Variants in KIF14 observed in about 807,000 individuals in gnomAD.
KIF14 encodes kinesin-like protein KIF14.
In KIF14, 98 loss-of-function variants were observed where a neutral mutation model predicts 176.2. The observed-to-expected ratio is 0.56, with a 90% CI of 0.47 to 0.66. The LOEUF is 0.66. Ranked by LOEUF, KIF14 falls within the 30% of genes least tolerant of loss-of-function variation. The pLI, the probability that KIF14 is intolerant of heterozygous loss-of-function variation, is 0.00. For missense variants in KIF14, 1,751 were observed against 1,920.4 expected (o/e 0.91, Z 1.65); for synonymous variants, 566 against 632.2 (o/e 0.90, Z 1.57).
intron 6 of KIF14, 46 bp downstream of exon 6, chr1:200,606,700 A>G (rs773771646): frequency 6.8e-7 from 1 of 1,481,122 alleles, no homozygotes; most frequent in African/African-American, 1.4e-5. Context: ...CATTCACTCT[A>G]TTCATTTGTT....
chr1:200,603,939 C>T lies in KIF14; in HGVS notation c.1763G>A (p.Gly588Glu). 4 of 1,611,158 alleles carry T rather than the reference C, an allele frequency of 2.5e-6. No individual in the cohort carries two copies. The highest frequency in any genetic ancestry group is 2.2e-5 in the South Asian group (2 of 91,006). Residue 588 changes from glycine (G) to glutamate (E), a missense_variant, in exon 9 of 30, where the codon GGG (glycine) becomes GAG (glutamate). Physicochemically the swap from Gly to Glu is moderately conservative, Grantham distance 98. Transcript: ENST00000367350. ...TGTTATTCTGTGATCGTGTTCTTCC[C>T]CTTCCACAAATTCTGTCTACAGCAA... Reference protein sequence around the residue: ...MTQTKTEFVEGEEHDHRITSR... With the variant: ...MTQTKTEFVEEEEHDHRITSR...
chr1:200,618,072 T>C lies in KIF14; in HGVS notation c.652A>G (p.Arg218Gly), dbSNP rs1383151437. ...ENVALKYSSNRPPIASLSQTE... is the reference protein window; with the variant it reads ...ENVALKYSSNGPPIASLSQTE... Reference sequence around the variant, plus strand: ...TGACTCAGGGAAGCAATGGGTGGTCTATTACTTGAGTACTTAAGTGCAACA... The same window carrying C: ...TGACTCAGGGAAGCAATGGGTGGTCCATTACTTGAGTACTTAAGTGCAACA... The change falls in exon 2 of 30, where the codon AGA (arginine) becomes GGA (glycine). Residue 218 changes from arginine (R) to glycine (G), a missense_variant. Physicochemically the swap from Arg to Gly is moderately radical, Grantham distance 125. Coordinates refer to ENST00000367350, the MANE Select transcript of KIF14 (RefSeq NM_014875.3). 1.2e-6 allele frequency: 2 copies of C among 1,614,166 alleles called. No homozygotes were observed. Among genetic ancestry groups the C allele is most frequent in the Non-Finnish European group, 8.5e-7 (1 of 1,179,990 alleles).
In KIF14 at chr1:200,554,509, C is replaced by T; in HGVS notation, c.4526G>A (p.Cys1509Tyr). The T allele has an allele frequency of 6.5e-7, 1 of 1,544,676 alleles. No individual in the cohort carries two copies. The highest frequency in any genetic ancestry group is 8.9e-7 in the Non-Finnish European group (1 of 1,120,692). Residue 1509 changes from cysteine to tyrosine, a missense_variant, in exon 29 of 30, where the codon TGC (cysteine) becomes TAC (tyrosine). Transcript: ENST00000367350. ...AATAATTTCAATAGCTTTCTCTAAG[C>T]AATGTTTTAACTTTAAGAATTCTGG... ...RAPEFLKLKH[C>Y]LEKAIEIIIS...
intron 14 of KIF14, among the ~76,000 whole-genome samples, chr1:200,594,141 G>A (rs1262547832): frequency 1.3e-5 from 2 of 151,098 alleles, no homozygotes; most frequent in African/African-American, 4.9e-5. Flanking sequence ...TGCCATGTTC[G>A]CCAGGCTGGT....
intron 9 of KIF14, among the ~76,000 whole-genome samples, 158 bp from the exon 10 acceptor site, chr1:200,603,499 TG>T (rs1659726334): frequency 6.6e-6 from 1 of 152,012 alleles, no homozygotes; most frequent in Non-Finnish European, 1.5e-5. Context: ...CAGGCTGGAG[TG>T]CAGTGGCATA....
rs1558039253 is a variant in KIF14, at chr1:200,553,597, AGAG to A, written c.4735_4737del (p.Leu1579del). 1 of 1,614,162 alleles carries A rather than the reference AGAG, an allele frequency of 6.2e-7. No homozygotes were observed. The highest frequency in any genetic ancestry group is 8.5e-7 in the Non-Finnish European group (1 of 1,180,028). ...GGGCTTTCTTCAGATTCAAAACAAA[AGAG>A]GAGAGACTTAGCTAGAGATTCTAGT... On this transcript the variant is annotated inframe_deletion, in exon 30 of 30. Coordinates refer to ENST00000367350, the MANE Select transcript of KIF14 (RefSeq NM_014875.3).
chr1:200,555,348 C>A (rs780836672), intron 28 of KIF14, 32 bp downstream of exon 28: 19 of 1,368,006 alleles, frequency 1.4e-5, no homozygotes, highest in Non-Finnish European at 1.6e-5. Context: ...AAAAAATAAG[C>A]AAAATTAAAA....
chr1:200,567,209 C>T (rs1012244544), intron 23 of KIF14, among the ~76,000 whole-genome samples: 1 of 150,212 alleles, frequency 6.7e-6, no homozygotes, highest in African/African-American at 2.5e-5. Flanking sequence ...GTACTTCTAC[C>T]TTACAATAGT....
At chr1:200,571,701 G>A (rs1261098948) in intron 22 of KIF14, among the ~76,000 whole-genome samples, 1 of 151,954 alleles carries the variant, frequency 6.6e-6, no homozygotes, top group African/African-American at 2.4e-5. Context: ...ACTCCTACAA[G>A]AAAAACACAG....
chr1:200,577,424 T>C lies in KIF14; in HGVS notation c.3466-1733A>G, dbSNP rs148367359. On this transcript the variant is annotated intron_variant, in intron 21 of 29. Transcript: ENST00000367350. ...CCTCCAGCCTTGGCCTCCCAAAGTG[T>C]TGAGATTAAAAGCGTGAGCCACCGT... Among the ~76,000 whole-genome samples, 540 of 152,212 alleles carry C rather than the reference T, an allele frequency of 3.5e-3. 4 individuals carry two copies. Among genetic ancestry groups the C allele is most frequent in the African/African-American group, 0.012 (503 of 41,576 alleles).
rs1256287874 is a variant in KIF14 at position 200,605,884 on chromosome 1, T to C, written c.1618A>G (p.Ser540Gly). The change falls in exon 7 of 30, where the codon AGT becomes GGT. Residue 540 changes from serine to glycine, a missense_variant. Ser to Gly is a moderately conservative substitution (Grantham distance 56). Transcript: ENST00000367350. ...CTTACCTGGATATCAGCGTAAGAAC[T>C]GACAATGTTCCTATTTTTAAGAAGT... ...YVEALSMNIV[S>G]SYADIQSWLE... 3.3e-6 allele frequency: 5 copies of C among 1,532,592 alleles called. No homozygotes were observed. The South Asian group carries it at 5.0e-5, about 15-fold the overall frequency. The allele number at this position is 1,532,592 out of a possible 1,614,324, so 94.9% of individuals were successfully genotyped here. A position where few individuals can be genotyped will look rare whatever the true frequency, so the allele number is the denominator to read the frequency against.
chr1:200,605,334 A>T lies in KIF14; in HGVS notation c.1695T>A (p.Asp565Glu), dbSNP rs970720803. The change falls in exon 8 of 30, where the codon GAT (aspartate) becomes GAA (glutamate). Residue 565 changes from aspartate to glutamate, a missense_variant. Transcript: ENST00000367350. ...AAACTGAATGAGATCGGGAACTTTT[A>T]TCATTCATACCAGTAGCAGCAGTAG... ...QRATAATGMN[D>E]KSSRSHSVFT... 1 of 1,613,892 alleles carries T rather than the reference A, an allele frequency of 6.2e-7. No individual in the cohort carries two copies. Among genetic ancestry groups the T allele is most frequent in the Admixed American group, 1.7e-5 (1 of 60,016 alleles).
At chr1:200,589,671 CTTTTTTTTT>C (rs1204882989) in intron 17 of KIF14, among the ~76,000 whole-genome samples, 31 of 76,562 alleles carry the variant, frequency 4.0e-4, no homozygotes, top group African/African-American at 1.5e-3. Flanking sequence ...CAACTTTTTT[CTTTTTTTTT>C]TTTTTTTTTT....
intron 5 of KIF14, among the ~76,000 whole-genome samples, chr1:200,607,540 A>C (rs1659942145): frequency 6.6e-6 from 1 of 152,180 alleles, no homozygotes; most frequent in Non-Finnish European, 1.5e-5. Context: ...GTTAAATTTC[A>C]GACATTAAAA....
At chr1:200,619,922 T>C (rs1465917655) in intron 1 of KIF14, among the ~76,000 whole-genome samples, 1 of 152,266 alleles carries the variant, frequency 6.6e-6, no homozygotes, top group Non-Finnish European at 1.5e-5. Flanking sequence ...CTAAGAGACC[T>C]GGCTTTTAGT....
At chr1:200,616,791 T>A (rs879824108) in intron 2 of KIF14, among the ~76,000 whole-genome samples, 6 of 152,198 alleles carry the variant, frequency 3.9e-5, no homozygotes, top group Non-Finnish European at 8.8e-5. Flanking sequence ...AACCTTATCT[T>A]TAATCTGTGT....
At chr1:200,608,271 T>C (rs1659981501) in intron 5 of KIF14, among the ~76,000 whole-genome samples, 1 of 152,178 alleles carries the variant, frequency 6.6e-6, no homozygotes, top group Admixed American at 6.5e-5. Context: ...AGAACAAATA[T>C]TTTATCTTTA....
Position 200,569,961 on chromosome 1 carries a change from T to C in KIF14, c.3611A>G (p.His1204Arg), listed in dbSNP as rs138924126. 178 of 1,605,692 alleles carry C rather than the reference T, an allele frequency of 1.1e-4. No individual in the cohort carries two copies. The highest frequency in any genetic ancestry group is 1.2e-4 in the Non-Finnish European group (140 of 1,174,574). Residue 1204 changes from histidine (H) to arginine (R), a missense_variant, in exon 23 of 30, where the codon CAT becomes CGT. By Grantham distance (29) the His-to-Arg change is conservative. Transcript: ENST00000367350. Reference protein sequence around the residue: ...MKNRRISGCLHDIQVHPIKNL... With the variant: ...MKNRRISGCLRDIQVHPIKNL... ...CTTAATTGGATGGACTTGTATGTCA[T>C]GTAAACAACCAGAAATTCTTCTGTT...
In KIF14 at chr1:200,608,879, A is replaced by AT. The variant is rs750545089; in HGVS notation, c.1504dup (p.Ile502AsnfsTer8). The AT allele has an allele frequency of 1.2e-6, 2 of 1,610,868 alleles. No homozygotes were observed. Among genetic ancestry groups the AT allele is most frequent in the Non-Finnish European group, 1.7e-6 (2 of 1,177,364 alleles). The stretch of plus-strand genomic sequence containing the variant: ...ATCTTTACAAACCAGAAGGTCGTGA[A>AT]TTTTTTCATTATATACTTCAAAGAA... On this transcript the variant is annotated frameshift_variant, in exon 5 of 30. Coordinates refer to ENST00000367350, the MANE Select transcript of KIF14 (RefSeq NM_014875.3). LOFTEE classifies it high-confidence loss of function.
Sources: allele counts gnomAD v4.1 joint callset (sites outside exome capture counted in the v4.1 genomes callset), GRCh38; gene constraint gnomAD v4.1.1; transcripts MANE v1.5; gene names NCBI Gene and HGNC (gene_info 2026-07-23, HGNC 2026-07-21).